Variants in CAPZB observed in about 807,000 individuals in gnomAD.
CAPZB encodes the protein F-actin-capping protein subunit beta.
CAPZB carries 2 observed loss-of-function variants against 38.1 expected under a neutral mutation model. That is an observed-to-expected ratio of 0.05 (90% CI 0.02 to 0.17). CAPZB has a LOEUF of 0.17. Ranked by LOEUF, CAPZB falls within the 10% of genes least tolerant of loss-of-function variation. The probability of loss-of-function intolerance (pLI) is 1.00; values close to 1 mark genes in which losing one functional copy is unlikely to be tolerated. For synonymous variants in CAPZB, 107 were observed against 127.4 expected (o/e 0.84, Z 1.08); for missense variants, 161 against 334.2 (o/e 0.48, Z 4.04).
chr1:19,405,259 G>A (rs2094325079), intron 2 of CAPZB, among the ~76,000 whole-genome samples: 1 of 152,146 alleles, frequency 6.6e-6, no homozygotes, highest in African/African-American at 2.4e-5. Context: ...CAGGCACTGT[G>A]TTAGGGTCTG....
intron 1 of CAPZB, among the ~76,000 whole-genome samples, chr1:19,441,039 G>A (rs1243114564): frequency 3.9e-5 from 6 of 152,132 alleles, no homozygotes; most frequent in South Asian, 2.1e-4. Flanking sequence ...CAGCCTGGGC[G>A]ACAGAGTGAG....
chr1:19,484,646 C>A, intron 1 of CAPZB: 2 of 1,161,516 alleles, frequency 1.7e-6, no homozygotes, highest in Non-Finnish European at 2.2e-6. Context: ...GCAAAGAAGG[C>A]GCGCCCCAGG....
At chr1:19,477,959 C>T (rs948403860) in intron 1 of CAPZB, among the ~76,000 whole-genome samples, 7 of 152,188 alleles carry the variant, frequency 4.6e-5, no homozygotes, top group Non-Finnish European at 4.4e-5. Flanking sequence ...GGCTCTGAGA[C>T]AGCAAGCCCA....
intron 6 of CAPZB, among the ~76,000 whole-genome samples, chr1:19,354,358 C>T (rs1014369693): frequency 1.7e-4 from 26 of 152,206 alleles, no homozygotes; most frequent in Admixed American, 2.6e-4. Flanking sequence ...CCAAGCTCTG[C>T]AACCCTCACT....
chr1:19,385,445 T>C (rs10753561), intron 3 of CAPZB, 60 bp downstream of exon 3: 443,946 of 1,601,756 alleles, frequency 0.28, 62,683 homozygotes, highest in African/African-American at 0.37. Context: ...CTGCAGCAGG[T>C]ACCTACGGCA....
At chr1:19,425,508 C>T (rs1408115959) in intron 1 of CAPZB, among the ~76,000 whole-genome samples, 1 of 152,020 alleles carries the variant, frequency 6.6e-6, no homozygotes, top group Non-Finnish European at 1.5e-5. Context: ...GGAGTTACCC[C>T]ATTTTAAGCT....
chr1:19,441,401 A>G (rs1291516659), intron 1 of CAPZB, among the ~76,000 whole-genome samples: 1 of 152,204 alleles, frequency 6.6e-6, no homozygotes, highest in East Asian at 1.9e-4. Flanking sequence ...TTTGTTGCCC[A>G]GCCCAGCACA....
At chr1:19,431,764 A>T (rs2094442582) in intron 1 of CAPZB, among the ~76,000 whole-genome samples, 1 of 151,974 alleles carries the variant, frequency 6.6e-6, no homozygotes, top group African/African-American at 2.4e-5. Flanking sequence ...AAAAGAATAC[A>T]GTTGATTTTA....
intron 8 of CAPZB, among the ~76,000 whole-genome samples, chr1:19,341,562 C>T (rs1187626416): frequency 6.6e-6 from 1 of 152,208 alleles, no homozygotes; most frequent in South Asian, 2.1e-4. Flanking sequence ...GGCCAAGCAA[C>T]CTCGAATCAG....
chr1:19,479,921 C>G (rs1309703831), intron 1 of CAPZB, among the ~76,000 whole-genome samples: 1 of 152,148 alleles, frequency 6.6e-6, no homozygotes, highest in Non-Finnish European at 1.5e-5. Context: ...ACCACACCCC[C>G]TGACCTCTGC....
chr1:19,400,991 A>AT (rs1355733067), intron 2 of CAPZB, among the ~76,000 whole-genome samples: 4 of 152,090 alleles, frequency 2.6e-5, no homozygotes, highest in Non-Finnish European at 4.4e-5. Context: ...TCTTTTGTTC[A>AT]TTTTCCTTAG....
At chr1:19,406,805 A>G (rs1222995942) in intron 2 of CAPZB, among the ~76,000 whole-genome samples, 1 of 152,174 alleles carries the variant, frequency 6.6e-6, no homozygotes, top group Non-Finnish European at 1.5e-5. Context: ...AGAACAGCAG[A>G]GTATTTTGCG....
intron 1 of CAPZB, among the ~76,000 whole-genome samples, chr1:19,433,730 C>T (rs2094449554): frequency 6.6e-6 from 1 of 152,242 alleles, no homozygotes; most frequent in South Asian, 2.1e-4. Flanking sequence ...GAACACAGTG[C>T]TTATTGATCC....
At chr1:19,346,137 G>A (rs1296392849) in intron 6 of CAPZB, among the ~76,000 whole-genome samples, 1 of 152,154 alleles carries the variant, frequency 6.6e-6, no homozygotes, top group African/African-American at 2.4e-5. Flanking sequence ...GCCTCATAAC[G>A]CACAGGGTAC....
chr1:19,464,083 A>T (rs1166562338), intron 1 of CAPZB, among the ~76,000 whole-genome samples: 1 of 150,938 alleles, frequency 6.6e-6, no homozygotes, highest in Non-Finnish European at 1.5e-5. Flanking sequence ...GCTACTCAGG[A>T]GGCTGAGGCA....
At chr1:19,471,680 C>T (rs557602676) in intron 1 of CAPZB, among the ~76,000 whole-genome samples, 130 of 152,070 alleles carry the variant, frequency 8.5e-4, no homozygotes, top group Admixed American at 1.5e-3. Context: ...CTGGCTAACA[C>T]GGTGAAACCC....
chr1:19,422,396 C>G (rs533970687), intron 1 of CAPZB, among the ~76,000 whole-genome samples: 3 of 152,136 alleles, frequency 2.0e-5, no homozygotes, highest in Non-Finnish European at 2.9e-5. Context: ...GCTGCAGATT[C>G]CCAGAATCTG....
chr1:19,356,689 C>T lies in CAPZB; in HGVS notation c.534G>A (p.Gln178=). The change falls in exon 6 of 9, where the codon CAG becomes CAA. Residue 178 remains glutamine (Q), a synonymous_variant. Transcript: ENST00000264202. This position sits in a 1 kb window ranked among gnomAD's most constrained non-coding sequence, Gnocchi z 4.3. The stretch of plus-strand genomic sequence containing the variant: ...TGGTGCCAGAGCCAGATTTGTTGGT[C>T]TGCAGCCACAGCATCACCGTGGAGG... The part of the protein sequence containing the change: ...KLTSTVMLWL[Q]TNKSGSGTMN... The T allele has an allele frequency of 6.2e-7, 1 of 1,614,124 alleles. No homozygotes were observed. The highest frequency in any genetic ancestry group is 8.5e-7 in the Non-Finnish European group (1 of 1,180,004).
chr1:19,408,942 A>G (rs2094345521), intron 2 of CAPZB, among the ~76,000 whole-genome samples: 1 of 152,204 alleles, frequency 6.6e-6, no homozygotes, highest in Non-Finnish European at 1.5e-5. Context: ...AAATAATTCC[A>G]AAAAAGCTAT....
Sources: gnomAD v4.1 joint callset for allele counts (sites outside exome capture counted in the v4.1 genomes callset) on GRCh38, gnomAD v4.1.1 for gene constraint, Gnocchi (gnomAD v3.1) non-coding constraint, MANE v1.5 for transcripts, NCBI Gene and HGNC (gene_info 2026-07-23, HGNC 2026-07-21) for gene names.